The following NBDY variants were observed in gnomAD, a reference collection of about 807,000 sequenced individuals.
NBDY encodes P-body dissociating protein.
intron 2 of NBDY, among the ~76,000 whole-genome samples, chrX:56,754,562 CAG>C (rs2069600411): frequency 8.9e-6 from 1 of 111,855 alleles, no homozygotes; most frequent in Admixed American, 9.4e-5. Context: ...AAATCAATAA[CAG>C]AGGAAAACTG....
intron 2 of NBDY, among the ~76,000 whole-genome samples, chrX:56,783,812 C>T (rs886213164): frequency 3.6e-5 from 4 of 112,407 alleles, no homozygotes; most frequent in Admixed American, 1.9e-4. Flanking sequence ...CCATTTGTTG[C>T]GAACAGAATA....
chrX:56,741,625 G>A (rs2069532522), intron 2 of NBDY, among the ~76,000 whole-genome samples: 1 of 111,645 alleles, frequency 9.0e-6, no homozygotes, highest in African/African-American at 3.2e-5. Context: ...ATGCCTGTTT[G>A]CCATTTGTAT....
At chrX:56,782,290 C>A (rs1438304337) in intron 2 of NBDY, among the ~76,000 whole-genome samples, 2 of 110,302 alleles carry the variant, frequency 1.8e-5, no homozygotes, top group African/African-American at 6.6e-5. Flanking sequence ...CTTACTCTTC[C>A]TCCTCCATCT....
intron 2 of NBDY, among the ~76,000 whole-genome samples, chrX:56,801,255 G>C (rs2069821017): frequency 8.9e-6 from 1 of 111,929 alleles, no homozygotes; most frequent in African/African-American, 3.2e-5. Context: ...CAGGACAGCT[G>C]CTGTGGCGTG....
In NBDY at chrX:56,756,794, G is replaced by A. The variant is rs370742739; in HGVS notation, c.*166+24595G>A. Among the ~76,000 whole-genome samples the A allele has an allele frequency of 7.7e-4, 85 of 110,858 alleles. No homozygotes were observed. The South Asian group carries it at 0.029, about 37-fold the overall frequency. ...AGGCTGTCCAACATGGTGAAACCCT[G>A]TCTCTACAAAAAATTAGCGGACTTG... On this transcript the variant is annotated intron_variant, in intron 2 of 2. Transcript: ENST00000374922.
At chrX:56,783,784 C>T (rs767213318) in intron 2 of NBDY, among the ~76,000 whole-genome samples, 1 of 112,728 alleles carries the variant, frequency 8.9e-6, no homozygotes, top group Non-Finnish European at 1.9e-5. Context: ...CCTTCCCTTC[C>T]CTTGCCTTTG....
At chrX:56,803,768 T>G (rs1424990791) in intron 2 of NBDY, among the ~76,000 whole-genome samples, 2 of 111,901 alleles carry the variant, frequency 1.8e-5, no homozygotes, top group African/African-American at 6.5e-5. Context: ...CAGTCACTTA[T>G]TTCCCTTGCT....
At chrX:56,805,539 G>T (rs1426112294) in intron 2 of NBDY, among the ~76,000 whole-genome samples, 1 of 112,107 alleles carries the variant, frequency 8.9e-6, no homozygotes, top group Non-Finnish European at 1.9e-5. Context: ...GTCCCTATCT[G>T]TGTGGCTTTC....
chrX:56,784,268 G>A (rs1293354813), intron 2 of NBDY, among the ~76,000 whole-genome samples: 1 of 112,083 alleles, frequency 8.9e-6, no homozygotes, highest in Non-Finnish European at 1.9e-5. Flanking sequence ...ATGCAGTCCG[G>A]TCCAACAGGC....
At chrX:56,811,103 G>C (rs1602670902) in intron 2 of NBDY, 1 of 112,548 alleles carries the variant, frequency 8.9e-6, no homozygotes, top group Admixed American at 9.4e-5. Context: ...AGCAAAGATT[G>C]CTGCCTGTTC....
chrX:56,799,977 G>A (rs1162533325), intron 2 of NBDY, among the ~76,000 whole-genome samples: 3 of 109,786 alleles, frequency 2.7e-5, no homozygotes, highest in Non-Finnish European at 3.8e-5. Context: ...TTGTAGCACC[G>A]GGGGCAGTGT....
At chrX:56,795,282 G>A (rs2069786250) in intron 2 of NBDY, among the ~76,000 whole-genome samples, 2 of 112,091 alleles carry the variant, frequency 1.8e-5, no homozygotes, top group African/African-American at 6.5e-5. Flanking sequence ...GTAAACTCTG[G>A]TGCTTGCTGG....
At chrX:56,805,273 G>C (rs1274785504) in intron 2 of NBDY, among the ~76,000 whole-genome samples, 1 of 112,798 alleles carries the variant, frequency 8.9e-6, no homozygotes, top group Admixed American at 9.3e-5. Context: ...GATCTGGACA[G>C]AGTTCTTCGG....
At chrX:56,798,799 T>C (rs1013684222) in intron 2 of NBDY, among the ~76,000 whole-genome samples, 1 of 112,197 alleles carries the variant, frequency 8.9e-6, no homozygotes, top group African/African-American at 3.2e-5. Context: ...AGCCTACTGG[T>C]CCTTGGTCAT....
At chrX:56,735,718 G>T (rs2069485113) in intron 2 of NBDY, among the ~76,000 whole-genome samples, 1 of 111,382 alleles carries the variant, frequency 9.0e-6, no homozygotes. Flanking sequence ...AATTAAAAGA[G>T]ACTTTGGAGA....
chrX:56,731,310 G>C (rs993374124), intron 1 of NBDY, among the ~76,000 whole-genome samples: 2 of 107,216 alleles, frequency 1.9e-5, no homozygotes, highest in Non-Finnish European at 3.8e-5. Context: ...TGTAATCCCA[G>C]CACTTTGTGC....
At chrX:56,794,156 A>C (rs922416364) in intron 2 of NBDY, among the ~76,000 whole-genome samples, 30 of 111,889 alleles carry the variant, frequency 2.7e-4, no homozygotes, top group South Asian at 3.7e-4. Context: ...AACGGCAGGT[A>C]CGCTTTGTTC....
At position 56,797,227 on chromosome X, in the gene NBDY, TTTC is replaced by T. The variant is rs2069797093; in HGVS notation, c.*167-20087_*167-20085del. 4.7e-5 allele frequency among the ~76,000 whole-genome samples: 5 copies of T among 107,495 alleles called. No individual in the cohort carries two copies. In the South Asian group the frequency reaches 2.2e-3, roughly 47 times the overall value. The allele number at this position is 107,495 out of a possible 115,157, so 93.3% of individuals were successfully genotyped here. On this transcript the variant is annotated intron_variant, in intron 2 of 2. Coordinates refer to ENST00000374922, the MANE Select transcript of NBDY (RefSeq NM_001348129.2). ...TTTTCCTCCTCCTTCTCCTTCTTCT[TTTC>T]TTCTTTGACTTCTCTTTTTGCCTTC...
At chrX:56,813,836 C>T in intron 2 of NBDY, among the ~76,000 whole-genome samples, 1 of 111,724 alleles carries the variant, frequency 9.0e-6, no homozygotes, top group South Asian at 3.8e-4. Context: ...TGCTTAAAAA[C>T]TTACACTCGG....
Sources: allele counts gnomAD v4.1 joint callset (sites outside exome capture counted in the v4.1 genomes callset), GRCh38; gene constraint gnomAD v4.1.1; transcripts MANE v1.5; gene names NCBI Gene and HGNC (gene_info 2026-07-23, HGNC 2026-07-21).